Variants in UNC5C observed in about 807,000 individuals in gnomAD.
The protein encoded by UNC5C is unc-5 netrin receptor C.
Under a neutral mutation model 99.8 loss-of-function variants are expected in UNC5C, and 47 were observed. That is an observed-to-expected ratio of 0.47 (90% CI 0.37 to 0.60). The LOEUF (loss-of-function observed/expected upper bound fraction) is 0.60, where lower values mean the gene tolerates loss of function less well. Among genes scored for constraint, UNC5C ranks in the 20% least tolerant of loss-of-function variants. UNC5C has a pLI of 0.00. For synonymous variants in UNC5C, 487 were observed against 452.2 expected (o/e 1.08, Z -0.98); for missense variants, 1,062 against 1,165.9 (o/e 0.91, Z 1.30).
At chr4:95,315,473 C>T (rs1245274242) in intron 2 of UNC5C, among the ~76,000 whole-genome samples, 1 of 152,140 alleles carries the variant, frequency 6.6e-6, no homozygotes, top group Non-Finnish European at 1.5e-5. Context: ...AGCTCCAATT[C>T]CCTGAGACAT....
intron 12 of UNC5C, among the ~76,000 whole-genome samples, chr4:95,185,974 A>G (rs554889685): frequency 5.7e-5 from 5 of 88,004 alleles, no homozygotes; most frequent in Admixed American, 1.7e-4. Context: ...TATACTATAC[A>G]GATACAACAT....
intron 7 of UNC5C, among the ~76,000 whole-genome samples, chr4:95,238,443 A>G (rs977989215): frequency 6.6e-6 from 1 of 152,140 alleles, no homozygotes; most frequent in South Asian, 2.1e-4. Flanking sequence ...ATATATAGAA[A>G]ATGGAAATTT....
chr4:95,434,573 T>C (rs1416969321), intron 1 of UNC5C, among the ~76,000 whole-genome samples: 1 of 152,052 alleles, frequency 6.6e-6, no homozygotes, highest in Non-Finnish European at 1.5e-5. Flanking sequence ...CCACCTTCTC[T>C]CTCATGTGTG....
chr4:95,427,292 C>CA (rs1437749133), intron 1 of UNC5C, among the ~76,000 whole-genome samples: 1 of 152,138 alleles, frequency 6.6e-6, no homozygotes, highest in African/African-American at 2.4e-5. Context: ...GAAATGACAA[C>CA]AAAGGATTTA....
At chr4:95,196,671 G>C (rs915130334) in intron 12 of UNC5C, among the ~76,000 whole-genome samples, 13 of 145,694 alleles carry the variant, frequency 8.9e-5, no homozygotes, top group African/African-American at 3.3e-4. Context: ...ATGCATCACA[G>C]TTGCTTAAGA....
intron 1 of UNC5C, among the ~76,000 whole-genome samples, chr4:95,353,405 TATGC>T (rs1219000640): frequency 6.6e-6 from 1 of 151,928 alleles, no homozygotes; most frequent in African/African-American, 2.4e-5. Context: ...ATATCAAAAA[TATGC>T]ATGCATTATA....
chr4:95,259,210 T>A (rs1170601588), intron 4 of UNC5C, among the ~76,000 whole-genome samples: 10 of 151,970 alleles, frequency 6.6e-5, no homozygotes, highest in Admixed American at 4.6e-4. Context: ...TGCCTTAGAG[T>A]CCTCATTTAC....
chr4:95,428,453 A>C (rs1746544563), intron 1 of UNC5C, among the ~76,000 whole-genome samples: 3 of 152,142 alleles, frequency 2.0e-5, no homozygotes, highest in African/African-American at 7.2e-5. Context: ...TGCGTTTCTT[A>C]TTTAAATAAG....
rs199830835 is a variant in UNC5C at position 95,301,964 on chromosome 4, T to C, written c.347-215A>G. 1.5e-4 allele frequency among the ~76,000 whole-genome samples: 23 copies of C among 152,334 alleles called. No individual in the cohort carries two copies. In the East Asian group the frequency reaches 4.4e-3, roughly 29 times the overall value. On this transcript the variant is annotated intron_variant, in intron 2 of 15. Coordinates refer to ENST00000453304, the MANE Select transcript of UNC5C (RefSeq NM_003728.4). ...ATTTGCTATTTCACATCTTCTGGATTATTCTGAGGATGAAAGTAGAAGGGC... is the reference window on the plus strand; with the variant it reads ...ATTTGCTATTTCACATCTTCTGGATCATTCTGAGGATGAAAGTAGAAGGGC...
intron 1 of UNC5C, among the ~76,000 whole-genome samples, chr4:95,528,214 A>G (rs547920341): frequency 1.6e-4 from 24 of 152,298 alleles, no homozygotes; most frequent in Non-Finnish European, 2.9e-4. Context: ...AGAGTCCTTC[A>G]TACAAAGTCC....
intron 1 of UNC5C, among the ~76,000 whole-genome samples, chr4:95,372,974 A>G (rs1026406431): frequency 5.3e-5 from 8 of 152,212 alleles, no homozygotes; most frequent in African/African-American, 1.9e-4. Flanking sequence ...GTTGTAGCAG[A>G]TTCTGCCAGC....
chr4:95,377,455 T>C (rs896999077), intron 1 of UNC5C, among the ~76,000 whole-genome samples: 2 of 152,172 alleles, frequency 1.3e-5, no homozygotes, highest in Admixed American at 6.5e-5. Context: ...ATCCCTCTAA[T>C]TGGGTGAAGA....
chr4:95,225,043 A>C (rs925921728), intron 7 of UNC5C, among the ~76,000 whole-genome samples: 1 of 152,146 alleles, frequency 6.6e-6, no homozygotes, highest in Non-Finnish European at 1.5e-5. Flanking sequence ...GTCAGAGGAC[A>C]GGCAGCACCA....
chr4:95,455,761 AT>A (rs1245544371), intron 1 of UNC5C, among the ~76,000 whole-genome samples: 3 of 152,076 alleles, frequency 2.0e-5, no homozygotes, highest in African/African-American at 7.2e-5. Context: ...ACAGACCTTG[AT>A]ATTCTTGTCC....
At chr4:95,488,459 A>G (rs942893206) in intron 1 of UNC5C, among the ~76,000 whole-genome samples, 1 of 151,808 alleles carries the variant, frequency 6.6e-6, no homozygotes, top group Non-Finnish European at 1.5e-5. Context: ...CCTTAAGATA[A>G]AACAAAGCAG....
At chr4:95,354,479 A>ATATTTTTTTTTTTTTTT in intron 1 of UNC5C, among the ~76,000 whole-genome samples, 21 of 110,340 alleles carry the variant, frequency 1.9e-4, no homozygotes, top group Non-Finnish European at 3.2e-4. Context: ...ATATATATAT[A>ATATTTTTTTTTTTTTTT]TTTTTTTTTT....
At chr4:95,213,845 T>C (rs971766806) in intron 10 of UNC5C, among the ~76,000 whole-genome samples, 1 of 152,188 alleles carries the variant, frequency 6.6e-6, no homozygotes, top group Admixed American at 6.5e-5. Context: ...CAATAGAAAG[T>C]GTATCCAAAA....
chr4:95,198,659 A>T (rs1173121614), intron 12 of UNC5C, among the ~76,000 whole-genome samples: 1 of 152,176 alleles, frequency 6.6e-6, no homozygotes, highest in East Asian at 1.9e-4. Context: ...AGAACCATCC[A>T]GCCTGGGCAG....
At chr4:95,328,040 C>CTTTTTTTTTTTTTTTTTTTTTTTTTTT (rs34794058) in intron 2 of UNC5C, among the ~76,000 whole-genome samples, 3 of 87,100 alleles carry the variant, frequency 3.4e-5, no homozygotes, top group Non-Finnish European at 4.4e-5. Flanking sequence ...CAGGCAACTT[C>CTTTTTTTTTTTTTTTTTTTTTTTTTTT]TTTTTTTTTT....
Sources: gnomAD v4.1 joint callset for allele counts (sites outside exome capture counted in the v4.1 genomes callset) on GRCh38, gnomAD v4.1.1 for gene constraint, MANE v1.5 for transcripts, NCBI Gene and HGNC (gene_info 2026-07-23, HGNC 2026-07-21) for gene names.